Variants in SLC15A5 observed in about 807,000 individuals in gnomAD.
The protein encoded by SLC15A5 is solute carrier family 15 member 5.
SLC15A5 carries 58 observed loss-of-function variants against 56.1 expected under a neutral mutation model. That is an observed-to-expected ratio of 1.03 (90% CI 0.84 to 1.29). The LOEUF (loss-of-function observed/expected upper bound fraction) is 1.29. SLC15A5 is among the 50% of genes most tolerant of loss of function. The pLI is 0.00. For synonymous variants in SLC15A5, 264 were observed against 250.5 expected, an observed-to-expected ratio of 1.05 and a Z score of -0.51; for missense variants, 681 against 672.1, an observed-to-expected ratio of 1.01 and a Z score of -0.15.
At chr12:16,213,983 G>A (rs1002413916) in intron 7 of SLC15A5, among the ~76,000 whole-genome samples, 17 of 152,134 alleles carry the variant, frequency 1.1e-4, no homozygotes, top group African/African-American at 4.1e-4. Context: ...CCTTACATCT[G>A]TGGATTTCTA....
At position 16,257,805 on chromosome 12, in the gene SLC15A5, G is replaced by C; in HGVS notation, c.650C>G (p.Ser217Ter). The change falls in exon 3 of 9, where the codon TCA (serine) becomes TGA (stop). Residue 217 changes from serine (S) to a stop codon, truncating the protein, a stop_gained. Transcript: ENST00000344941. LOFTEE classifies it high-confidence loss of function. Reference protein sequence around the residue: ...VFLGISYIQHSQAWALVLLIP... With the variant: ...VFLGISYIQH ...AAGTAAAACAAGGGCCCAGGCCTGTGAGTGCTGGATGTAAGATATTCCCAG... is the reference window on the plus strand; with the variant it reads ...AAGTAAAACAAGGGCCCAGGCCTGTCAGTGCTGGATGTAAGATATTCCCAG... 1 of 1,529,326 alleles carries C rather than the reference G, an allele frequency of 6.5e-7. No homozygotes were observed. Among genetic ancestry groups the C allele is most frequent in the Non-Finnish European group, 8.7e-7 (1 of 1,144,130 alleles). The allele number at this position is 1,529,326 out of a possible 1,614,324, so 94.7% of individuals were successfully genotyped here.
chr12:16,195,771 T>G (rs902642804), intron 7 of SLC15A5, among the ~76,000 whole-genome samples: 43 of 152,112 alleles, frequency 2.8e-4, no homozygotes, highest in African/African-American at 1.0e-3. Context: ...GGATTTAACT[T>G]AAATATTCTG....
intron 6 of SLC15A5, among the ~76,000 whole-genome samples, chr12:16,218,229 A>G (rs1203260466): frequency 6.6e-6 from 1 of 151,900 alleles, no homozygotes; most frequent in East Asian, 1.9e-4. Flanking sequence ...TGTGCCAAAA[A>G]AATTGTAAGG....
At chr12:16,257,100 T>G (rs1864584299) in intron 3 of SLC15A5, among the ~76,000 whole-genome samples, 1 of 152,078 alleles carries the variant, frequency 6.6e-6, no homozygotes, top group Non-Finnish European at 1.5e-5. Flanking sequence ...AGAAATTTTC[T>G]TCCTCCACAA....
chr12:16,215,807 G>T (rs896191656), intron 7 of SLC15A5, among the ~76,000 whole-genome samples: 47 of 152,206 alleles, frequency 3.1e-4, no homozygotes, highest in Admixed American at 8.5e-4. Flanking sequence ...CAAGAACTCT[G>T]CTGCTCTATC....
chr12:16,239,820 C>A lies in SLC15A5; in HGVS notation c.1023G>T (p.Leu341Phe), dbSNP rs1385995699. 2 of 1,537,032 alleles carry A rather than the reference C, an allele frequency of 1.3e-6. No homozygotes were observed. Among genetic ancestry groups the A allele is most frequent in the Non-Finnish European group, 1.7e-6 (2 of 1,146,870 alleles). Residue 341 changes from leucine (L) to phenylalanine (F), a missense_variant, in exon 5 of 9, where the codon TTG becomes TTT. Coordinates refer to ENST00000344941, the MANE Select transcript of SLC15A5 (RefSeq NM_001170798.1). ...CTGCAATCGGCAGAAGAAATCCATC[C>A]AAATTCAGGTTGGAATTCATAGTTT... The part of the protein sequence containing the change: ...YLQTMNSNLN[L>F]DGFLLPIAVM...
intron 8 of SLC15A5, among the ~76,000 whole-genome samples, chr12:16,193,400 C>A (rs1007408929): frequency 6.6e-6 from 1 of 151,976 alleles, no homozygotes; most frequent in African/African-American, 2.4e-5. Context: ...CCAATGAGAG[C>A]AGAACACTGG....
chr12:16,214,115 C>T (rs774546333), intron 7 of SLC15A5, among the ~76,000 whole-genome samples: 2 of 151,954 alleles, frequency 1.3e-5, no homozygotes, highest in Non-Finnish European at 2.9e-5. Flanking sequence ...CTGCCCTAAT[C>T]GTTACATTTA....
chr12:16,195,522 T>C (rs925111858), intron 7 of SLC15A5, among the ~76,000 whole-genome samples: 2 of 152,108 alleles, frequency 1.3e-5, no homozygotes, highest in Admixed American at 6.6e-5. Flanking sequence ...TTATGCATTA[T>C]GAGAACATGA....
chr12:16,194,569 A>C (rs1001287519), intron 7 of SLC15A5, 116 bp from the exon 8 acceptor site: 4 of 599,042 alleles, frequency 6.7e-6, no homozygotes, highest in Non-Finnish European at 1.1e-5. Context: ...ACAAAGCAAA[A>C]AAGCTCATCT....
At chr12:16,276,163 C>T (rs1472725910) in intron 1 of SLC15A5, among the ~76,000 whole-genome samples, 1 of 151,934 alleles carries the variant, frequency 6.6e-6, no homozygotes, top group Non-Finnish European at 1.5e-5. Flanking sequence ...TGATTATTTG[C>T]CATGCAGTGA....
At chr12:16,259,655 C>A (rs867749409) in intron 2 of SLC15A5, among the ~76,000 whole-genome samples, 1 of 152,302 alleles carries the variant, frequency 6.6e-6, no homozygotes, top group East Asian at 1.9e-4. Flanking sequence ...TATAATTTTG[C>A]ATTTTTCTCA....
chr12:16,230,996 T>G (rs1173886668), intron 5 of SLC15A5, among the ~76,000 whole-genome samples: 1 of 152,148 alleles, frequency 6.6e-6, no homozygotes, highest in Non-Finnish European at 1.5e-5. Context: ...TGGCCAAGTA[T>G]TTTTCTAATT....
chr12:16,206,077 C>A (rs538218772), intron 7 of SLC15A5, among the ~76,000 whole-genome samples: 32 of 151,894 alleles, frequency 2.1e-4, no homozygotes, highest in East Asian at 1.5e-3. Flanking sequence ...TGCTTGGGAG[C>A]GAAAAAGGGT....
chr12:16,247,074 T>C (rs1381272222), intron 3 of SLC15A5, among the ~76,000 whole-genome samples: 4 of 152,194 alleles, frequency 2.6e-5, no homozygotes, highest in African/African-American at 9.6e-5. Context: ...AATATTTCTA[T>C]ATGTTTTCTC....
At chr12:16,253,285 A>T (rs1463818482) in intron 3 of SLC15A5, among the ~76,000 whole-genome samples, 1 of 152,142 alleles carries the variant, frequency 6.6e-6, no homozygotes, top group African/African-American at 2.4e-5. Flanking sequence ...GACAAATGGG[A>T]TGACATCAAA....
At chr12:16,272,227 T>C (rs1322638927) in intron 2 of SLC15A5, among the ~76,000 whole-genome samples, 2 of 152,112 alleles carry the variant, frequency 1.3e-5, no homozygotes, top group Non-Finnish European at 2.9e-5. Flanking sequence ...TAGGTCAAGG[T>C]CAGTCAGCCT....
At chr12:16,224,654 T>G in intron 5 of SLC15A5, 52 bp from the exon 6 acceptor site, 1 of 1,463,230 alleles carries the variant, frequency 6.8e-7, no homozygotes, top group Non-Finnish European at 9.1e-7. Flanking sequence ...AGCTAGAGAT[T>G]CATGTAATAA....
chr12:16,199,397 A>G (rs1172534584), intron 7 of SLC15A5, among the ~76,000 whole-genome samples: 2 of 152,016 alleles, frequency 1.3e-5, no homozygotes, highest in East Asian at 3.9e-4. Context: ...GTGGTGAATA[A>G]GAGATGATCA....
Sources: gnomAD v4.1 joint callset for allele counts (sites outside exome capture counted in the v4.1 genomes callset) on GRCh38, gnomAD v4.1.1 for gene constraint, MANE v1.5 for transcripts, NCBI Gene and HGNC (gene_info 2026-07-23, HGNC 2026-07-21) for gene names.